JMJD7: variants seen among roughly 807,000 people sequenced by gnomAD.
JMJD7 encodes bifunctional peptidase and (3S)-lysyl hydroxylase JMJD7.
A neutral mutation model predicts 41.1 loss-of-function variants in JMJD7; 41 were observed. The ratio of observed to expected loss-of-function variants is 1.00; its 90% CI spans 0.78 to 1.30. The LOEUF (loss-of-function observed/expected upper bound fraction) is 1.30, where lower values mean the gene tolerates loss of function less well. Among genes scored for constraint, JMJD7 ranks in the 50% most tolerant of loss-of-function variants. The pLI is 0.00. For synonymous variants in JMJD7, 202 were observed against 177.2 expected (o/e 1.14, Z -1.11); for missense variants, 480 against 420.7 (o/e 1.14, Z -1.23).
Position 41,835,616 on chromosome 15 carries a change from G to A in JMJD7, c.501G>A (p.Trp167Ter). 6.2e-7 allele frequency: 1 copy of A among 1,613,906 alleles called. No individual in the cohort carries two copies. The highest frequency in any genetic ancestry group is 8.5e-7 in the Non-Finnish European group (1 of 1,179,886). Residue 167 changes from tryptophan (W) to a stop codon, truncating the protein, a stop_gained, in exon 4 of 8, where the codon TGG becomes TGA. Transcript: ENST00000397299. LOFTEE classifies it high-confidence loss of function. ...LGKMPDAVNF[W>*]LGEAAAVTSL... ...AGATGCCCGATGCTGTGAACTTCTG[G>A]CTGGGGGAGGCGGCTGCAGTGACTT...
chr15:41,837,211 C>A lies in JMJD7; in HGVS notation c.*55C>A. The A allele has an allele frequency of 2.4e-6, 3 of 1,275,532 alleles. No individual in the cohort carries two copies. The highest frequency in any genetic ancestry group is 3.4e-6 in the Non-Finnish European group (3 of 891,146). The allele number at this position is 1,275,532 out of a possible 1,614,324, so 79.0% of individuals were successfully genotyped here. A position where few individuals can be genotyped will look rare whatever the true frequency, so the allele number is the denominator to read the frequency against. On this transcript the variant is annotated 3_prime_UTR_variant, in exon 8 of 8. Transcript: ENST00000397299. ...CCTCGGGGGACGGAGCCAGCCCCTC[C>A]CTGGCCAGGTCAATTCTCGAGAGAG...
rs570800352 is a variant in JMJD7 at position 41,830,802 on chromosome 15, T to C, written c.64+2614T>C. On this transcript the variant is annotated intron_variant, in intron 1 of 7. Transcript: ENST00000397299. The stretch of plus-strand genomic sequence containing the variant: ...AGGCCGAGCCTGGGTGCTATTGCAG[T>C]GCTGACACACCAGCCCCCTGCCTCC... Among the ~76,000 whole-genome samples the C allele has an allele frequency of 4.9e-4, 74 of 152,346 alleles. 1 individual carries two copies. Among genetic ancestry groups the C allele is most frequent in the African/African-American group, 1.7e-3 (71 of 41,584 alleles).
chr15:41,833,426 T>TA (rs1342982470), intron 1 of JMJD7, among the ~76,000 whole-genome samples: 2 of 95,426 alleles, frequency 2.1e-5, no homozygotes, highest in African/African-American at 6.3e-5. Flanking sequence ...TTTTTTTTTT[T>TA]TTTTTTTTTT....
intron 1 of JMJD7, 93 bp downstream of exon 1, chr15:41,828,281 C>A: frequency 7.2e-7 from 1 of 1,388,616 alleles, no homozygotes; most frequent in Non-Finnish European, 9.4e-7. Context: ...CTCGTGTGTG[C>A]GACTGCCCTG....
chr15:41,835,344 C>T, intron 3 of JMJD7, 121 bp downstream of exon 3: 1 of 1,410,942 alleles, frequency 7.1e-7, no homozygotes, highest in Non-Finnish European at 9.4e-7. Flanking sequence ...GCATCTGGTG[C>T]AGCTCACTAA....
In JMJD7 at chr15:41,835,085, G is replaced by A. The variant is rs550115704; in HGVS notation, c.334G>A (p.Val112Met). Residue 112 changes from valine (V) to methionine (M), a missense_variant, in exon 3 of 8, where the codon GTG (valine) becomes ATG (methionine). Coordinates refer to ENST00000397299, the MANE Select transcript of JMJD7 (RefSeq NM_001114632.2). ...TGAGCGCCGCCTGCCCCTGAGCTTC[G>A]TGCTGGATGTGCTGGAGGGCCGGGC... The part of the protein sequence containing the change: ...PAERRLPLSF[V>M]LDVLEGRAQH... 10 of 1,613,342 alleles carry A rather than the reference G, an allele frequency of 6.2e-6. No homozygotes were observed. The highest frequency in any genetic ancestry group is 2.2e-5 in the South Asian group (2 of 91,084).
chr15:41,833,480 G>A (rs1392659639), intron 1 of JMJD7, among the ~76,000 whole-genome samples: 2 of 141,332 alleles, frequency 1.4e-5, no homozygotes, highest in Non-Finnish European at 3.0e-5. Context: ...GAGTGCAGTG[G>A]CACGATGATA....
chr15:41,835,944 AGGGCCT>A (rs2065306769), intron 4 of JMJD7, 198 bp from the exon 5 acceptor site: 1 of 598,792 alleles, frequency 1.7e-6, no homozygotes. Flanking sequence ...AGAGGAGTCC[AGGGCCT>A]GGTGAGCATC....
chr15:41,835,402 G>A (rs192039143), intron 3 of JMJD7, among the ~76,000 whole-genome samples, 179 bp downstream of exon 3: 8 of 152,316 alleles, frequency 5.3e-5, no homozygotes, highest in Non-Finnish European at 8.8e-5. Flanking sequence ...GCCAAAGATT[G>A]TTGTCCTTCC....
Position 41,836,949 on chromosome 15 carries a change from T to A in JMJD7, c.862+9T>A, listed in dbSNP as rs780706355. On this transcript the variant is annotated intron_variant, in intron 7 of 7. Transcript: ENST00000397299. Reference sequence around the variant, plus strand: ...CCAGGGCTGCATCGCAGGTGAAGAGTTGCCCAGGCCGCCTGGGGAGAGGCC... The same window carrying A: ...CCAGGGCTGCATCGCAGGTGAAGAGATGCCCAGGCCGCCTGGGGAGAGGCC... The A allele has an allele frequency of 6.8e-6, 11 of 1,611,674 alleles. No homozygotes were observed. In the South Asian group the frequency reaches 9.9e-5, roughly 14 times the overall value.
chr15:41,828,115 T>C lies in JMJD7; in HGVS notation c.-10T>C, dbSNP rs754009435. The C allele has an allele frequency of 2.1e-6, 3 of 1,447,774 alleles. No homozygotes were observed. Among genetic ancestry groups the C allele is most frequent in the African/African-American group, 1.5e-5 (1 of 66,892 alleles). 89.7% of individuals were successfully genotyped at this position (1,447,774 alleles called of 1,614,324 possible). On this transcript the variant is annotated 5_prime_UTR_variant, in exon 1 of 8. Coordinates refer to ENST00000397299, the MANE Select transcript of JMJD7 (RefSeq NM_001114632.2). Reference sequence around the variant, plus strand: ...GGAAAGGCGGGGTCTCGGCCGGCGCTGACGCAGCCATGGCGGAGGCGGCTT... The same window carrying C: ...GGAAAGGCGGGGTCTCGGCCGGCGCCGACGCAGCCATGGCGGAGGCGGCTT...
At chr15:41,830,212 C>T (rs2065209442) in intron 1 of JMJD7, among the ~76,000 whole-genome samples, 2 of 152,198 alleles carry the variant, frequency 1.3e-5, no homozygotes, top group South Asian at 2.1e-4. Context: ...CAGAAGCCTG[C>T]GAGCACCCTG....
intron 4 of JMJD7, 122 bp downstream of exon 4, chr15:41,835,766 T>G (rs2065303617): frequency 7.8e-6 from 10 of 1,278,164 alleles, no homozygotes; most frequent in Non-Finnish European, 1.1e-5. Flanking sequence ...AGATTTCTTT[T>G]GGCTTCTAGG....
chr15:41,833,425 T>C (rs1281965542), intron 1 of JMJD7, among the ~76,000 whole-genome samples: 3 of 121,180 alleles, frequency 2.5e-5, no homozygotes, highest in African/African-American at 8.5e-5. Context: ...TTTTTTTTTT[T>C]TTTTTTTTTT....
rs148455477 is a variant in JMJD7 at position 41,833,581 on chromosome 15, C to T, written c.65-1159C>T. Among the ~76,000 whole-genome samples the T allele has an allele frequency of 4.6e-3, 691 of 151,478 alleles. 2 individuals carry two copies. Among genetic ancestry groups the T allele is most frequent in the Non-Finnish European group, 7.6e-3 (516 of 67,772 alleles). ...GAGTATAGGTGCATGCCACCATGTC[C>T]AGTTAATTTTTAATTTTTTTGTAGA... On this transcript the variant is annotated intron_variant, in intron 1 of 7. Coordinates refer to ENST00000397299, the MANE Select transcript of JMJD7 (RefSeq NM_001114632.2).
chr15:41,829,808 C>T (rs908836291), intron 1 of JMJD7, among the ~76,000 whole-genome samples: 6 of 152,220 alleles, frequency 3.9e-5, no homozygotes, highest in Non-Finnish European at 7.3e-5. Context: ...GTACTCACGC[C>T]TGTAATCCTA....
intron 3 of JMJD7, 89 bp downstream of exon 3, chr15:41,835,312 GC>G: frequency 1.3e-6 from 2 of 1,500,428 alleles, no homozygotes; most frequent in Non-Finnish European, 1.8e-6. Flanking sequence ...TGATGACCTG[GC>G]CTATGGGCTT....
intron 5 of JMJD7, 107 bp from the exon 6 acceptor site, chr15:41,836,368 G>C: frequency 6.4e-7 from 1 of 1,556,184 alleles, no homozygotes; most frequent in Admixed American, 1.9e-5. Context: ...AGTGCACCAG[G>C]GCCCCTGATC....
At position 41,834,679 on chromosome 15, in the gene JMJD7, G is replaced by A. The variant is rs1339907984; in HGVS notation, c.65-61G>A. ...GCCTTTCCAGGGAGGGCATCTCTTGGGCAGGGACTGGGTGCTGCAGACATC... is the reference window on the plus strand; with the variant it reads ...GCCTTTCCAGGGAGGGCATCTCTTGAGCAGGGACTGGGTGCTGCAGACATC... On this transcript the variant is annotated intron_variant, in intron 1 of 7. Transcript: ENST00000397299. The A allele has an allele frequency of 1.7e-5, 27 of 1,582,392 alleles. No individual in the cohort carries two copies. In the East Asian group the frequency reaches 5.4e-4, roughly 32 times the overall value.
Sources: gnomAD v4.1 joint callset for allele counts (sites outside exome capture counted in the v4.1 genomes callset) on GRCh38, gnomAD v4.1.1 for gene constraint, MANE v1.5 for transcripts, NCBI Gene and HGNC (gene_info 2026-07-23, HGNC 2026-07-21) for gene names.